The following NKAIN1 variants were observed in gnomAD, a reference collection of about 807,000 sequenced individuals.
The protein encoded by NKAIN1 is sodium/potassium-transporting ATPase subunit beta-1-interacting protein 1.
Under a neutral mutation model 31.6 loss-of-function variants are expected in NKAIN1, and 13 were observed. The observed-to-expected ratio is 0.41, with a 90% CI of 0.27 to 0.65. NKAIN1 has a LOEUF of 0.65. Ranked by LOEUF, NKAIN1 falls within the 30% of genes least tolerant of loss-of-function variation. The pLI is 0.30. For synonymous variants in NKAIN1, 104 were observed against 109.0 expected, an observed-to-expected ratio of 0.95 and a Z score of 0.28; for missense variants, 193 against 262.2, an observed-to-expected ratio of 0.74 and a Z score of 1.82.
At chr1:31,195,095 T>A (rs1276284314) in intron 1 of NKAIN1, among the ~76,000 whole-genome samples, 1 of 143,348 alleles carries the variant, frequency 7.0e-6, no homozygotes, top group Non-Finnish European at 1.5e-5. Flanking sequence ...TTCTTCTCTT[T>A]CTCTCTCTTC....
intron 1 of NKAIN1, among the ~76,000 whole-genome samples, chr1:31,214,240 A>G (rs2148360540): frequency 6.6e-6 from 1 of 152,010 alleles, no homozygotes; most frequent in East Asian, 1.9e-4. Flanking sequence ...AAATCCAGAA[A>G]AATAGAAAGT....
intron 3 of NKAIN1, among the ~76,000 whole-genome samples, chr1:31,184,597 G>A (rs1278914923): frequency 6.6e-6 from 1 of 152,116 alleles, no homozygotes; most frequent in African/African-American, 2.4e-5. Context: ...GGAAACTGGG[G>A]CTCAGAGAGG....
At chr1:31,227,443 C>T (rs148281607) in intron 1 of NKAIN1, among the ~76,000 whole-genome samples, 7 of 152,292 alleles carry the variant, frequency 4.6e-5, no homozygotes, top group African/African-American at 1.4e-4. Context: ...GATTCTGCTT[C>T]GGTGAAATAG....
intron 1 of NKAIN1, among the ~76,000 whole-genome samples, chr1:31,218,038 TTCTTTCTTTCTTTC>T (rs1191204608): frequency 1.0e-5 from 1 of 99,302 alleles, no homozygotes; most frequent in African/African-American, 4.5e-5. Flanking sequence ...CTTTCTTTCT[TTCTTTCTTTCTTTC>T]TTTCTTTCTT....
At chr1:31,224,672 C>G (rs191831913) in intron 1 of NKAIN1, among the ~76,000 whole-genome samples, 3 of 152,244 alleles carry the variant, frequency 2.0e-5, no homozygotes, top group Admixed American at 6.5e-5. Context: ...GATCATGAAG[C>G]GTAAGTGCCC....
chr1:31,199,379 G>T (rs537092628), intron 1 of NKAIN1, among the ~76,000 whole-genome samples: 4 of 152,314 alleles, frequency 2.6e-5, no homozygotes, highest in African/African-American at 9.6e-5. Context: ...AGTTGGTGCT[G>T]ACTATATGGC....
At chr1:31,215,681 G>T (rs187355723) in intron 1 of NKAIN1, among the ~76,000 whole-genome samples, 1 of 152,104 alleles carries the variant, frequency 6.6e-6, no homozygotes, top group Non-Finnish European at 1.5e-5. Context: ...AGGGATGGGG[G>T]TGTCTGGCCC....
At chr1:31,234,762 G>A (rs1645682560) in intron 1 of NKAIN1, among the ~76,000 whole-genome samples, 1 of 152,138 alleles carries the variant, frequency 6.6e-6, no homozygotes, top group Admixed American at 6.5e-5. Context: ...ATTTTCAGAT[G>A]AGGAAACGCA....
chr1:31,205,711 C>T (rs1378571195), intron 1 of NKAIN1, among the ~76,000 whole-genome samples: 1 of 148,424 alleles, frequency 6.7e-6, no homozygotes, highest in Non-Finnish European at 1.5e-5. Context: ...CAACCTCTGC[C>T]TCCCAGGTGT....
chr1:31,232,460 GA>G (rs1190117264), intron 1 of NKAIN1, among the ~76,000 whole-genome samples: 2 of 129,922 alleles, frequency 1.5e-5, no homozygotes, highest in African/African-American at 5.5e-5. Flanking sequence ...GAGAGAGAGA[GA>G]GAGAGAGAGA....
chr1:31,194,475 C>T (rs1645308806), intron 1 of NKAIN1, among the ~76,000 whole-genome samples: 1 of 138,398 alleles, frequency 7.2e-6, no homozygotes, highest in Non-Finnish European at 1.5e-5. Context: ...GGCGTGATCT[C>T]GGCTCACTGC....
chr1:31,232,472 G>GAGAGAGAGAGAGAA (rs1645661858), intron 1 of NKAIN1, among the ~76,000 whole-genome samples: 1 of 119,504 alleles, frequency 8.4e-6, no homozygotes, highest in African/African-American at 3.2e-5. Context: ...GAGAGAGAGA[G>GAGAGAGAGAGAGAA]TGGGGGAGGT....
intron 2 of NKAIN1, among the ~76,000 whole-genome samples, chr1:31,185,889 C>T (rs930230740): frequency 2.6e-5 from 4 of 152,110 alleles, no homozygotes; most frequent in African/African-American, 9.7e-5. Flanking sequence ...CTCACCACTG[C>T]AATGCCAATG....
At chr1:31,202,294 T>C (rs1038301462) in intron 1 of NKAIN1, among the ~76,000 whole-genome samples, 2 of 152,224 alleles carry the variant, frequency 1.3e-5, no homozygotes, top group African/African-American at 4.8e-5. Context: ...TGCCTGGCAG[T>C]GATCTAATTA....
intron 5 of NKAIN1, 66 bp downstream of exon 5, chr1:31,182,464 G>A: frequency 1.9e-6 from 3 of 1,572,200 alleles, no homozygotes; most frequent in Non-Finnish European, 2.6e-6. Flanking sequence ...CCAGTCACAG[G>A]CCTCTGTCCA....
chr1:31,199,556 C>A (rs572610839), intron 1 of NKAIN1, among the ~76,000 whole-genome samples: 2 of 152,138 alleles, frequency 1.3e-5, no homozygotes. Context: ...GCTGGCCCAA[C>A]CCCCTCATTA....
rs557413867 is a variant in NKAIN1 at position 31,205,194 on chromosome 1, G to C, written c.55-17007C>G. Among the ~76,000 whole-genome samples, 3 of 151,980 alleles carry C rather than the reference G, an allele frequency of 2.0e-5. No homozygotes were observed. The East Asian group carries it at 5.8e-4, about 30-fold the overall frequency. ...CGCCCGGGCTGGAATACAATGGCTC[G>C]ATCTCGGCTCACTGCAACCTCTGTC... On this transcript the variant is annotated intron_variant, in intron 1 of 6. Transcript: ENST00000373736.
chr1:31,194,314 T>A (rs992690667), intron 1 of NKAIN1, among the ~76,000 whole-genome samples: 4 of 152,036 alleles, frequency 2.6e-5, no homozygotes, highest in African/African-American at 9.7e-5. Flanking sequence ...CCTCTCTGCC[T>A]TTGATCTCTG....
In NKAIN1 at chr1:31,182,392, A is replaced by T. The variant is rs1177107233; in HGVS notation, c.532+138T>A. 3.3e-6 allele frequency: 3 copies of T among 902,584 alleles called. No homozygotes were observed. In the African/African-American group the frequency reaches 5.0e-5, roughly 15 times the overall value. 55.9% of individuals were successfully genotyped at this position (902,584 alleles called of 1,614,324 possible). On this transcript the variant is annotated intron_variant, in intron 5 of 6. Coordinates refer to ENST00000373736, the MANE Select transcript of NKAIN1 (RefSeq NM_024522.3). ...CGGGCTGGTATGCAGAGCCTTCCAT[A>T]CCAGCCGCCTCTTCCCCTCGAAAGG...
Sources: allele counts gnomAD v4.1 joint callset (sites outside exome capture counted in the v4.1 genomes callset), GRCh38; gene constraint gnomAD v4.1.1; transcripts MANE v1.5; gene names NCBI Gene and HGNC (gene_info 2026-07-23, HGNC 2026-07-21).